Variants in PLCL1 observed in about 807,000 individuals in gnomAD.
PLCL1 encodes phospholipase C like 1 (inactive).
PLCL1 carries 41 observed loss-of-function variants against 84.4 expected under a neutral mutation model. The observed-to-expected ratio is 0.49, with a 90% CI of 0.38 to 0.63. The LOEUF (loss-of-function observed/expected upper bound fraction) is 0.63, where lower values mean the gene tolerates loss of function less well. Ranked by LOEUF, PLCL1 falls within the 30% of genes least tolerant of loss-of-function variation. The pLI is 0.00. For missense variants in PLCL1, 1,206 were observed against 1,367.8 expected, an observed-to-expected ratio of 0.88 and a Z score of 1.87; for synonymous variants, 490 against 488.3, an observed-to-expected ratio of 1.00 and a Z score of -0.05.
rs562244650 is a variant in PLCL1 at position 198,050,544 on chromosome 2, A to C, written c.241-33214A>C. 5.9e-5 allele frequency among the ~76,000 whole-genome samples: 9 copies of C among 152,272 alleles called. No homozygotes were observed. In the South Asian group the frequency reaches 1.2e-3, roughly 21 times the overall value. On this transcript the variant is annotated intron_variant, in intron 1 of 5. Transcript: ENST00000428675. ...CCTTGAGATTGATAAAAAAAAATAC[A>C]CAACTTACTAGAACTTTTTCAGTTC...
At chr2:198,029,725 G>A (rs1268258535) in intron 1 of PLCL1, among the ~76,000 whole-genome samples, 2 of 140,952 alleles carry the variant, frequency 1.4e-5, no homozygotes, top group Non-Finnish European at 1.5e-5. Context: ...CTTTTTTTTT[G>A]AGACAGTCTC....
intron 5 of PLCL1, among the ~76,000 whole-genome samples, chr2:198,136,966 G>A (rs1460162370): frequency 6.6e-6 from 1 of 152,084 alleles, no homozygotes; most frequent in African/African-American, 2.4e-5. Context: ...ACAAAAGTTA[G>A]AAATCAAAAT....
chr2:197,832,220 T>C (rs915816646), intron 1 of PLCL1, among the ~76,000 whole-genome samples: 5 of 151,962 alleles, frequency 3.3e-5, no homozygotes, highest in Non-Finnish European at 2.9e-5. Context: ...CCAAGAACTG[T>C]TTTTTTGAAA....
chr2:197,851,968 G>A (rs1447880519), intron 1 of PLCL1, among the ~76,000 whole-genome samples: 1 of 152,222 alleles, frequency 6.6e-6, no homozygotes, highest in East Asian at 1.9e-4. Context: ...GTAGTAAAAG[G>A]TCAATGTAGA....
At chr2:197,978,059 T>C (rs886951026) in intron 1 of PLCL1, among the ~76,000 whole-genome samples, 2 of 152,264 alleles carry the variant, frequency 1.3e-5, no homozygotes, top group Non-Finnish European at 2.9e-5. Flanking sequence ...GTAGATTATC[T>C]TAGGTTACTT....
intron 1 of PLCL1, among the ~76,000 whole-genome samples, chr2:198,010,798 G>C (rs959033816): frequency 2.0e-5 from 3 of 150,234 alleles, no homozygotes; most frequent in Admixed American, 2.0e-4. Context: ...CTTTTGGAAG[G>C]TTATTTTTTT....
At chr2:197,990,554 G>A (rs113315837) in intron 1 of PLCL1, among the ~76,000 whole-genome samples, 4,498 of 152,198 alleles carry the variant, frequency 0.03, 235 homozygotes, top group African/African-American at 0.1. Flanking sequence ...CTTACATGGC[G>A]GCAGGCAAGA....
At chr2:198,111,905 G>A (rs1693633152) in intron 5 of PLCL1, among the ~76,000 whole-genome samples, 1 of 151,888 alleles carries the variant, frequency 6.6e-6, no homozygotes, top group African/African-American at 2.4e-5. Flanking sequence ...CTAAGGGAGT[G>A]AGTGTCCTGC....
intron 1 of PLCL1, among the ~76,000 whole-genome samples, chr2:197,970,527 A>C (rs758938605): frequency 4.6e-5 from 7 of 152,264 alleles, no homozygotes; most frequent in Non-Finnish European, 7.3e-5. Context: ...TAGTATGACA[A>C]AAAGTATGTG....
chr2:198,142,715 T>C (rs895970229), intron 5 of PLCL1, among the ~76,000 whole-genome samples: 1 of 152,068 alleles, frequency 6.6e-6, no homozygotes, highest in African/African-American at 2.4e-5. Context: ...GGACTTCTAT[T>C]AGTCTTGTTG....
At chr2:198,009,579 T>C (rs908251845) in intron 1 of PLCL1, among the ~76,000 whole-genome samples, 6 of 152,058 alleles carry the variant, frequency 3.9e-5, no homozygotes, top group Non-Finnish European at 7.4e-5. Context: ...CTGTCTTAAT[T>C]ACTGTTTCTT....
intron 1 of PLCL1, among the ~76,000 whole-genome samples, chr2:198,034,603 A>T (rs1417964303): frequency 1.3e-5 from 2 of 152,198 alleles, no homozygotes; most frequent in Non-Finnish European, 2.9e-5. Flanking sequence ...CTGTCCCCTT[A>T]TACCTCAGTG....
intron 1 of PLCL1, among the ~76,000 whole-genome samples, chr2:198,022,294 A>T (rs1042842048): frequency 2.0e-5 from 3 of 152,218 alleles, no homozygotes; most frequent in African/African-American, 4.8e-5. Context: ...GGGCAATATC[A>T]TACTGAATGG....
chr2:198,086,911 A>G (rs1241404039), intron 2 of PLCL1, among the ~76,000 whole-genome samples: 2 of 152,184 alleles, frequency 1.3e-5, no homozygotes, highest in Non-Finnish European at 2.9e-5. Context: ...ACCAGTGTAT[A>G]TATAACATAT....
chr2:198,041,635 G>C (rs1691666484), intron 1 of PLCL1, among the ~76,000 whole-genome samples: 1 of 152,156 alleles, frequency 6.6e-6, no homozygotes. Context: ...GTTCAACTGT[G>C]TAGTACTCAT....
At chr2:198,131,917 C>A (rs768899474) in intron 5 of PLCL1, among the ~76,000 whole-genome samples, 1 of 152,184 alleles carries the variant, frequency 6.6e-6, no homozygotes, top group Admixed American at 6.6e-5. Context: ...CTCATGGAAT[C>A]TCAGGCTAGA....
Position 197,805,015 on chromosome 2 carries a change from G to T in PLCL1, c.-85G>T. ...CAAAGTCTGGCGGGGCCGCCTCCCG[G>T]TGCAGGAGCGCACCGGTGCCTAGCG... is the stretch of plus-strand genomic sequence containing the variant. On this transcript the variant is annotated 5_prime_UTR_variant, in exon 1 of 6. Transcript: ENST00000428675. This position sits in a 1 kb window ranked among gnomAD's most constrained non-coding sequence, Gnocchi z 4.0. The T allele has an allele frequency of 7.3e-7, 1 of 1,377,344 alleles. No homozygotes were observed. The highest frequency in any genetic ancestry group is 9.4e-7 in the Non-Finnish European group (1 of 1,061,964). The allele number at this position is 1,377,344 out of a possible 1,614,324, so 85.3% of individuals were successfully genotyped here. A position where few individuals can be genotyped will look rare whatever the true frequency, so the allele number is the denominator to read the frequency against.
At chr2:197,989,428 G>A (rs1690291811) in intron 1 of PLCL1, among the ~76,000 whole-genome samples, 1 of 152,182 alleles carries the variant, frequency 6.6e-6, no homozygotes, top group African/African-American at 2.4e-5. Flanking sequence ...AACTAGATCT[G>A]AGGGGATGAG....
chr2:198,001,942 T>C, intron 1 of PLCL1: 1 of 425,204 alleles, frequency 2.4e-6, no homozygotes, highest in Non-Finnish European at 4.7e-6. Flanking sequence ...CTGTCTCCTA[T>C]CACCCCCAGA....
Sources: allele counts gnomAD v4.1 joint callset (sites outside exome capture counted in the v4.1 genomes callset), GRCh38; gene constraint gnomAD v4.1.1; non-coding constraint Gnocchi (gnomAD v3.1); transcripts MANE v1.5; gene names NCBI Gene and HGNC (gene_info 2026-07-23, HGNC 2026-07-21).